The following INTS10 variants were observed in gnomAD, a reference collection of about 807,000 sequenced individuals.
INTS10 encodes integrator complex subunit 10.
A neutral mutation model predicts 94.4 loss-of-function variants in INTS10; 44 were observed. That is an observed-to-expected ratio of 0.47 (90% CI 0.37 to 0.60). The LOEUF is 0.60. Ranked by LOEUF, INTS10 falls within the 20% of genes least tolerant of loss-of-function variation. The pLI is 0.00. For synonymous variants in INTS10, 341 were observed against 320.7 expected (o/e 1.06, Z -0.68); for missense variants, 797 against 868.7 (o/e 0.92, Z 1.04).
intron 9 of INTS10, among the ~76,000 whole-genome samples, chr8:19,828,650 A>G (rs1033031829): frequency 6.6e-6 from 1 of 151,960 alleles, no homozygotes; most frequent in East Asian, 1.9e-4. Context: ...GTGTTCGTGT[A>G]TGATATTAGG....
intron 9 of INTS10, among the ~76,000 whole-genome samples, chr8:19,828,273 C>T (rs774247369): frequency 3.4e-4 from 51 of 151,840 alleles, no homozygotes; most frequent in Non-Finnish European, 6.1e-4. Flanking sequence ...TTTCTGACTT[C>T]CTTTTTGTAA....
intron 4 of INTS10, chr8:19,821,823 G>C (rs1183654436): frequency 2.0e-5 from 3 of 152,372 alleles, no homozygotes; most frequent in East Asian, 3.9e-4. Context: ...CCTTCTGTGT[G>C]ATGTAATCTT....
chr8:19,849,177 C>T lies in INTS10; in HGVS notation c.1977-2472C>T. The T allele has an allele frequency of 7.8e-7, 1 of 1,289,520 alleles. No homozygotes were observed. The highest frequency in any genetic ancestry group is 1.0e-6 in the Non-Finnish European group (1 of 988,626). 79.9% of individuals were successfully genotyped at this position (1,289,520 alleles called of 1,614,324 possible). A position where few individuals can be genotyped will look rare whatever the true frequency, so the allele number is the denominator to read the frequency against. ...TTTTTTAAAGGCCTTCTAGCCCTCCCATGGGGTTACTGCAGCAGGAATTCT... is the reference window on the plus strand; with the variant it reads ...TTTTTTAAAGGCCTTCTAGCCCTCCTATGGGGTTACTGCAGCAGGAATTCT... On this transcript the variant is annotated intron_variant, in intron 16 of 16. Transcript: ENST00000397977. The surrounding 1 kb of genome is among the most constrained non-coding windows in gnomAD (Gnocchi z 4.6).
chr8:19,849,150 T>C lies in INTS10; in HGVS notation c.1977-2499T>C. 1 of 1,281,406 alleles carries C rather than the reference T, an allele frequency of 7.8e-7. No homozygotes were observed. The highest frequency in any genetic ancestry group is 1.2e-5 in the South Asian group (1 of 80,870). The allele number at this position is 1,281,406 out of a possible 1,614,324, so 79.4% of individuals were successfully genotyped here. A position where few individuals can be genotyped will look rare whatever the true frequency, so the allele number is the denominator to read the frequency against. On this transcript the variant is annotated intron_variant, in intron 16 of 16. Coordinates refer to ENST00000397977, the MANE Select transcript of INTS10 (RefSeq NM_018142.4). The surrounding 1 kb of genome is among the most constrained non-coding windows in gnomAD (Gnocchi z 4.6). ...TGGGTGTTTGAATGCTGCTGTTTGC[T>C]GTTTTTTAAAGGCCTTCTAGCCCTC... is the stretch of plus-strand genomic sequence containing the variant.
chr8:19,820,821 C>T (rs947468135), intron 4 of INTS10: 6 of 230,238 alleles, frequency 2.6e-5, no homozygotes, highest in African/African-American at 9.0e-5. Context: ...TTGAATTTAG[C>T]GTAGAGTTTA....
chr8:19,849,209 T>C lies in INTS10; in HGVS notation c.1977-2440T>C, dbSNP rs2068822149. On this transcript the variant is annotated intron_variant, in intron 16 of 16. Transcript: ENST00000397977. The surrounding 1 kb of genome is among the most constrained non-coding windows in gnomAD (Gnocchi z 4.6). ...TTACTGCAGCAGGAATTCTTACCTG[T>C]GCTTCAGCCCAGCATACAGACTGCT... 5 of 1,289,586 alleles carry C rather than the reference T, an allele frequency of 3.9e-6. 1 individual carries two copies. The South Asian group carries it at 4.9e-5, about 13-fold the overall frequency. The allele number at this position is 1,289,586 out of a possible 1,614,324, so 79.9% of individuals were successfully genotyped here.
At chr8:19,845,666 CT>C (rs768735106) in intron 15 of INTS10, 37 bp from the exon 16 acceptor site, 6 of 1,496,780 alleles carry the variant, frequency 4.0e-6, no homozygotes, top group Non-Finnish European at 5.6e-6. Flanking sequence ...AAACTAGCAC[CT>C]TTTTTTACAT....
At chr8:19,832,513 T>C (rs2128779450) in intron 11 of INTS10, among the ~76,000 whole-genome samples, 1 of 152,272 alleles carries the variant, frequency 6.6e-6, no homozygotes, top group African/African-American at 2.4e-5. Flanking sequence ...AAGACTGCAC[T>C]GAACCATGAT....
At chr8:19,828,157 G>A (rs987063391) in intron 9 of INTS10, among the ~76,000 whole-genome samples, 1 of 152,124 alleles carries the variant, frequency 6.6e-6, no homozygotes, top group Admixed American at 6.5e-5. Flanking sequence ...GTTCCAGTGA[G>A]TGATGACCAC....
chr8:19,830,666 A>C, intron 10 of INTS10, 107 bp downstream of exon 10: 1 of 1,058,240 alleles, frequency 9.4e-7, no homozygotes, highest in Non-Finnish European at 1.4e-6. Flanking sequence ...ACAGTAGTTC[A>C]TGCATTTTTT....
intron 4 of INTS10, 127 bp from the exon 5 acceptor site, chr8:19,822,312 T>G: frequency 1.7e-6 from 1 of 571,846 alleles, no homozygotes; most frequent in Non-Finnish European, 3.1e-6. Flanking sequence ...TAAAATGTGA[T>G]TATTTGTTTC....
chr8:19,837,835 T>G (rs1302614064), intron 13 of INTS10, among the ~76,000 whole-genome samples: 1 of 152,018 alleles, frequency 6.6e-6, no homozygotes, highest in African/African-American at 2.4e-5. Flanking sequence ...TGAAAAATAT[T>G]ATAAAATTGA....
rs140078657 is a variant in INTS10 at position 19,844,793 on chromosome 8, A to G, written c.1882+555A>G. Among the ~76,000 whole-genome samples the G allele has an allele frequency of 3.7e-3, 556 of 152,274 alleles. 6 individuals carry two copies. Among genetic ancestry groups the G allele is most frequent in the African/African-American group, 0.013 (535 of 41,556 alleles). On this transcript the variant is annotated intron_variant, in intron 15 of 16. Coordinates refer to ENST00000397977, the MANE Select transcript of INTS10 (RefSeq NM_018142.4). ...CCTTTGAATTAAAGGTTAGTTATCA[A>G]TTTGGGTGTTTTTACTTCATTGTTT...
rs761855373 is a variant in INTS10, at chr8:19,824,863, T to C, written c.897T>C (p.Asp299=). The C allele has an allele frequency of 2.5e-6, 4 of 1,613,060 alleles. No individual in the cohort carries two copies. Among genetic ancestry groups the C allele is most frequent in the East Asian group, 2.2e-5 (1 of 44,858 alleles). ...TCTGCAGATACATGAACAACTTTGA[T>C]AGTGAAGCACATGCAAAATATAAAA... ...KDLCRYMNNF[D]SEAHAKYKNQ... The change falls in exon 8 of 17, where the codon GAT becomes GAC. Residue 299 remains aspartate (D), a synonymous_variant. Transcript: ENST00000397977.
intron 10 of INTS10, among the ~76,000 whole-genome samples, chr8:19,830,841 T>G (rs2067173387): frequency 6.6e-6 from 1 of 152,164 alleles, no homozygotes; most frequent in South Asian, 2.1e-4. Context: ...CCCGGCTAAC[T>G]TTTTGTATTT....
At position 19,837,258 on chromosome 8, in the gene INTS10, C is replaced by T. The variant is rs111524776; in HGVS notation, c.1639+98C>T. On this transcript the variant is annotated intron_variant, in intron 13 of 16. Transcript: ENST00000397977. ...AATCTCAGCTACTCGGAAGTCGAGG[C>T]GGGAGGATAGCTTTTGAGCCCAGGA... The T allele has an allele frequency of 2.1e-3, 1,664 of 779,020 alleles. 17 individuals carry two copies. In the African/African-American group the frequency reaches 0.024, roughly 11 times the overall value. The allele number at this position is 779,020 out of a possible 1,614,324, so 48.3% of individuals were successfully genotyped here. A position where few individuals can be genotyped will look rare whatever the true frequency, so the allele number is the denominator to read the frequency against.
intron 15 of INTS10, among the ~76,000 whole-genome samples, chr8:19,844,710 C>T (rs994607169): frequency 3.9e-5 from 6 of 152,176 alleles, no homozygotes; most frequent in African/African-American, 1.4e-4. Flanking sequence ...CTGCACAGCA[C>T]AGTAGCTGCT....
intron 5 of INTS10, among the ~76,000 whole-genome samples, chr8:19,823,033 A>G (rs979423872): frequency 6.6e-6 from 1 of 152,178 alleles, no homozygotes; most frequent in South Asian, 2.1e-4. Flanking sequence ...ATAGCTGTAT[A>G]TGTAAGTATG....
rs1269162987 is a variant in INTS10, at chr8:19,823,951, AATC to A, written c.747_749del (p.Ser250del). On this transcript the variant is annotated inframe_deletion, in exon 7 of 17. Transcript: ENST00000397977. The stretch of plus-strand genomic sequence containing the variant: ...TACATAATAGAAGGGCTGACGGAAA[AATC>A]ATCCCAGATCGTGGACCCTTGGGAG... 1 of 1,613,832 alleles carries A rather than the reference AATC, an allele frequency of 6.2e-7. No homozygotes were observed. The highest frequency in any genetic ancestry group is 8.5e-7 in the Non-Finnish European group (1 of 1,179,826).
Sources: allele counts gnomAD v4.1 joint callset (sites outside exome capture counted in the v4.1 genomes callset), GRCh38; gene constraint gnomAD v4.1.1; non-coding constraint Gnocchi (gnomAD v3.1); transcripts MANE v1.5; gene names NCBI Gene and HGNC (gene_info 2026-07-23, HGNC 2026-07-21).